The following BAIAP2L1 variants were observed in gnomAD, a reference collection of about 807,000 sequenced individuals.
BAIAP2L1 encodes BAR/IMD domain-containing adapter protein 2-like 1.
Under a neutral mutation model 66.3 loss-of-function variants are expected in BAIAP2L1, and 35 were observed. The ratio of observed to expected loss-of-function variants is 0.53; its 90% confidence interval spans 0.40 to 0.70. The LOEUF is 0.70. Among genes scored for constraint, BAIAP2L1 ranks in the 30% least tolerant of loss-of-function variants. The pLI, the probability that BAIAP2L1 is intolerant of heterozygous loss-of-function variation, is 0.00. For missense variants in BAIAP2L1, 622 were observed against 656.9 expected (o/e 0.95, Z 0.58); for synonymous variants, 269 against 248.7 (o/e 1.08, Z -0.77).
At chr7:98,400,077 C>G (rs1367604516) in intron 1 of BAIAP2L1, 1 of 151,602 alleles carries the variant, frequency 6.6e-6, no homozygotes, top group Admixed American at 6.6e-5. Flanking sequence ...TCCCGGAGGG[C>G]TTAAGCCCGG....
intron 3 of BAIAP2L1, among the ~76,000 whole-genome samples, chr7:98,343,245 A>AT (rs1396410902): frequency 1.8e-3 from 218 of 124,092 alleles, no homozygotes; most frequent in African/African-American, 6.4e-3. Context: ...TGGAAAAAAA[A>AT]AATACACACA....
intron 11 of BAIAP2L1, among the ~76,000 whole-genome samples, 179 bp from the exon 12 acceptor site, chr7:98,304,555 T>A (rs7785612): frequency 0.39 from 58,438 of 151,776 alleles, 12,756 homozygotes; most frequent in Middle Eastern, 0.54. Context: ...CTGTATTTTT[T>A]AAATTTTTTT....
At chr7:98,381,814 TAAGA>T (rs1030979257) in intron 1 of BAIAP2L1, among the ~76,000 whole-genome samples, 1 of 151,784 alleles carries the variant, frequency 6.6e-6, no homozygotes, top group African/African-American at 2.4e-5. Flanking sequence ...TACACTGAGG[TAAGA>T]AAGAAGGATG....
At chr7:98,314,774 G>A (rs946277330) in intron 7 of BAIAP2L1, among the ~76,000 whole-genome samples, 1 of 152,148 alleles carries the variant, frequency 6.6e-6, no homozygotes, top group African/African-American at 2.4e-5. Flanking sequence ...CGCCCAGGTG[G>A]GGTAGACCTG....
intron 2 of BAIAP2L1, among the ~76,000 whole-genome samples, chr7:98,361,075 G>C (rs2115721812): frequency 6.6e-6 from 1 of 152,250 alleles, no homozygotes; most frequent in African/African-American, 2.4e-5. Context: ...AAAGATAAGA[G>C]GCTGGGTGTG....
At chr7:98,330,159 GA>G (rs1202047824) in intron 3 of BAIAP2L1, among the ~76,000 whole-genome samples, 1 of 151,726 alleles carries the variant, frequency 6.6e-6, no homozygotes, top group East Asian at 1.9e-4. Context: ...GGCATGCTAA[GA>G]AAAAAAACCA....
chr7:98,391,022 T>G (rs1243806073), intron 1 of BAIAP2L1, among the ~76,000 whole-genome samples: 4 of 151,222 alleles, frequency 2.6e-5, no homozygotes, highest in Non-Finnish European at 2.9e-5. Context: ...TTTTGTATTT[T>G]TAGTAGAAAT....
At chr7:98,400,272 A>G (rs1803326310) in intron 1 of BAIAP2L1, 1 of 82,524 alleles carries the variant, frequency 1.2e-5, no homozygotes, top group Non-Finnish European at 2.3e-5. Flanking sequence ...GGGGAGGAGA[A>G]GGGACAGGGG....
intron 1 of BAIAP2L1, among the ~76,000 whole-genome samples, chr7:98,363,121 G>A (rs1348413641): frequency 7.3e-6 from 1 of 136,804 alleles, no homozygotes; most frequent in Non-Finnish European, 1.5e-5. Flanking sequence ...TGCAACCTCC[G>A]CCTACTAGGT....
rs970133355 is a variant in BAIAP2L1, at chr7:98,307,775, G to A, written c.1077C>T (p.Leu359=). The stretch of plus-strand genomic sequence containing the variant: ...TGATGACATCTCCCTGTGCAAAGCT[G>A]AGTAAGGTCTTGTTGGAGCCCGCAG... ...PHTAGSNKTL[L]SFAQGDVITL... is the part of the protein sequence containing the mutation. The change falls in exon 10 of 14, where the codon CTC becomes CTT. Residue 359 remains leucine, a synonymous_variant. Coordinates refer to ENST00000005260, the MANE Select transcript of BAIAP2L1 (RefSeq NM_018842.5). 5 of 1,614,136 alleles carry A rather than the reference G, an allele frequency of 3.1e-6. No individual in the cohort carries two copies. The African/African-American group carries it at 5.3e-5, about 17-fold the overall frequency.
At chr7:98,330,812 AGCAAGGGAGTGGGAGGGGT>A (rs1801478959) in intron 3 of BAIAP2L1, among the ~76,000 whole-genome samples, 2 of 149,580 alleles carry the variant, frequency 1.3e-5, no homozygotes, top group Admixed American at 6.8e-5. Context: ...TGTGAGAGGG[AGCAAGGGAGTGGGAGGGGT>A]GCCCTCTCTG....
intron 6 of BAIAP2L1, 118 bp downstream of exon 6, chr7:98,317,101 C>T: frequency 2.3e-6 from 3 of 1,295,066 alleles, no homozygotes; most frequent in Non-Finnish European, 2.2e-6. Flanking sequence ...GATCCTACTG[C>T]CTCGGCCTCC....
chr7:98,331,337 C>T (rs1001144181), intron 3 of BAIAP2L1, among the ~76,000 whole-genome samples: 24 of 152,106 alleles, frequency 1.6e-4, no homozygotes, highest in African/African-American at 5.3e-4. Context: ...ATATGAGAAT[C>T]TTCCAAAGTT....
At chr7:98,325,363 A>AAAAT (rs1376368912) in intron 3 of BAIAP2L1, among the ~76,000 whole-genome samples, 41 of 150,072 alleles carry the variant, frequency 2.7e-4, no homozygotes, top group African/African-American at 4.4e-4. Flanking sequence ...GCAAGACTCT[A>AAAAT]AAATAAATAA....
chr7:98,322,627 T>C (rs1010550599), intron 3 of BAIAP2L1, among the ~76,000 whole-genome samples: 3 of 152,062 alleles, frequency 2.0e-5, no homozygotes, highest in Non-Finnish European at 2.9e-5. Context: ...CACCAGGTGA[T>C]CTGTTCCACC....
intron 1 of BAIAP2L1, among the ~76,000 whole-genome samples, chr7:98,370,008 A>AC (rs1407136631): frequency 2.0e-5 from 3 of 152,008 alleles, no homozygotes; most frequent in East Asian, 3.9e-4. Flanking sequence ...TTCACATATA[A>AC]CCCTAACATC....
chr7:98,399,759 C>T (rs1407603344), intron 1 of BAIAP2L1, among the ~76,000 whole-genome samples: 1 of 152,224 alleles, frequency 6.6e-6, no homozygotes, highest in East Asian at 1.9e-4. Context: ...AAGTCTCTGT[C>T]TGTGTCTGGA....
chr7:98,361,961 A>G (rs939368247), intron 2 of BAIAP2L1, among the ~76,000 whole-genome samples: 2 of 152,152 alleles, frequency 1.3e-5, no homozygotes, highest in South Asian at 4.1e-4. Context: ...CACATCGGGG[A>G]AAAAAAGATG....
rs780818633 is a variant in BAIAP2L1, at chr7:98,315,622, A to ATAAT, written c.487-11_487-10insATTA. ...TAACGGTCTCCACATACTAAAAAAA[A>ATAAT]AAAAATAATAATAATAATAATTATA... On this transcript the variant is annotated splice_polypyrimidine_tract_variant and intron_variant, in intron 6 of 13. Coordinates refer to ENST00000005260, the MANE Select transcript of BAIAP2L1 (RefSeq NM_018842.5). 254 of 1,072,846 alleles carry ATAAT rather than the reference A, an allele frequency of 2.4e-4. 1 individual carries two copies. Among genetic ancestry groups the ATAAT allele is most frequent in the Middle Eastern group, 3.2e-4 (1 of 3,094 alleles). The allele number at this position is 1,072,846 out of a possible 1,614,324, so 66.5% of individuals were successfully genotyped here. A position where few individuals can be genotyped will look rare whatever the true frequency, so the allele number is the denominator to read the frequency against.
Sources: allele counts gnomAD v4.1 joint callset (sites outside exome capture counted in the v4.1 genomes callset), GRCh38; gene constraint gnomAD v4.1.1; transcripts MANE v1.5; gene names NCBI Gene and HGNC (gene_info 2026-07-23, HGNC 2026-07-21).